The following CUBN variants were observed in gnomAD, a reference collection of about 807,000 sequenced individuals.
CUBN encodes the protein cubilin.
CUBN carries 282 observed loss-of-function variants against 405.3 expected under a neutral mutation model. The observed-to-expected ratio is 0.70, with a 90% CI of 0.63 to 0.77. The LOEUF (loss-of-function observed/expected upper bound fraction) is 0.77. Ranked by LOEUF, CUBN falls within the 30% of genes least tolerant of loss-of-function variation. The pLI, the probability that CUBN is intolerant of heterozygous loss-of-function variation, is 0.00. For synonymous variants in CUBN, 1,684 were observed against 1,617.0 expected, an observed-to-expected ratio of 1.04 and a Z score of -0.99; for missense variants, 4,514 against 4,475.2, an observed-to-expected ratio of 1.01 and a Z score of -0.25.
intron 31 of CUBN, among the ~76,000 whole-genome samples, chr10:16,969,146 C>T (rs959098439): frequency 1.3e-5 from 2 of 152,176 alleles, no homozygotes; most frequent in South Asian, 2.1e-4. Context: ...ATAACAATGC[C>T]AGGGAGTGAA....
Position 17,115,595 on chromosome 10 carries a change from C to T in CUBN, c.596G>A (p.Cys199Tyr). 1.2e-6 allele frequency: 2 copies of T among 1,614,222 alleles called. No individual in the cohort carries two copies. The highest frequency in any genetic ancestry group is 1.7e-6 in the Non-Finnish European group (2 of 1,180,038). Reference sequence around the variant, plus strand: ...TCCGTACGTCTCAGGTGGGCAGTGACAACTGTTGGTTACACAAGAGCACAA... The same window carrying T: ...TCCGTACGTCTCAGGTGGGCAGTGATAACTGTTGGTTACACAAGAGCACAA... ...TCVNTMGSYS[C>Y]HCPPETYGPQ... The change falls in exon 7 of 67, where the codon TGT (cysteine) becomes TAT (tyrosine). Residue 199 changes from cysteine (C) to tyrosine (Y), a missense_variant and splice_region_variant. Cys to Tyr is a radical substitution (Grantham distance 194). Coordinates refer to ENST00000377833, the MANE Select transcript of CUBN (RefSeq NM_001081.4).
Position 16,915,410 on chromosome 10 carries a change from G to C in CUBN, c.7211-238C>G, listed in dbSNP as rs563783304. Among the ~76,000 whole-genome samples the C allele has an allele frequency of 2.6e-5, 4 of 152,178 alleles. No homozygotes were observed. In the South Asian group the frequency reaches 8.3e-4, roughly 31 times the overall value. ...AAGGATATCTCAGCACAATGAGGAA[G>C]GCTTGCTCATTTGGTTGAAAAAATG... On this transcript the variant is annotated intron_variant, in intron 46 of 66. Transcript: ENST00000377833.
chr10:16,949,997 G>A lies in CUBN; in HGVS notation c.5080+4C>T, dbSNP rs777680661. On this transcript the variant is annotated splice_donor_region_variant and intron_variant, in intron 34 of 66. Coordinates refer to ENST00000377833, the MANE Select transcript of CUBN (RefSeq NM_001081.4). ...CAGATGTAGATGAGTGAACGCTGAGGTACCTCGGAGGGGCGCGTCTTCGTG... is the reference window on the plus strand; with the variant it reads ...CAGATGTAGATGAGTGAACGCTGAGATACCTCGGAGGGGCGCGTCTTCGTG... 1 of 1,607,176 alleles carries A rather than the reference G, an allele frequency of 6.2e-7. No individual in the cohort carries two copies. Among genetic ancestry groups the A allele is most frequent in the South Asian group, 1.1e-5 (1 of 90,826 alleles).
intron 14 of CUBN, among the ~76,000 whole-genome samples, chr10:17,088,769 T>C (rs1836184906): frequency 6.6e-6 from 1 of 152,248 alleles, no homozygotes; most frequent in Non-Finnish European, 1.5e-5. Flanking sequence ...TGGTTAAGTG[T>C]GACATAATTT....
chr10:16,861,386 C>G (rs1050955310), intron 59 of CUBN, among the ~76,000 whole-genome samples: 1 of 152,118 alleles, frequency 6.6e-6, no homozygotes, highest in African/African-American at 2.4e-5. Flanking sequence ...TGGTCTCAAA[C>G]TCCTGACCTC....
chr10:16,969,860 A>G (rs1843503085), intron 31 of CUBN, among the ~76,000 whole-genome samples: 1 of 152,168 alleles, frequency 6.6e-6, no homozygotes, highest in South Asian at 2.1e-4. Context: ...GATCATGTGA[A>G]GCCTGGTGGC....
intron 19 of CUBN, 44 bp from the exon 20 acceptor site, chr10:17,068,814 T>C (rs370179922): frequency 4.4e-5 from 62 of 1,398,160 alleles, no homozygotes; most frequent in Admixed American, 2.1e-4. Context: ...TATATCAATT[T>C]TGAAAACTGC....
At chr10:16,889,942 A>AAAAAAAAAAAAAAAAACAAAAAAAAAC (rs1554788548) in intron 55 of CUBN, among the ~76,000 whole-genome samples, 1 of 136,220 alleles carries the variant, frequency 7.3e-6, no homozygotes, top group African/African-American at 2.9e-5. Context: ...TGTCAAAAAA[A>AAAAAAAAAAAAAAAAACAAAAAAAAAC]AAAAAAAAAA....
intron 13 of CUBN, among the ~76,000 whole-genome samples, chr10:17,102,385 C>G (rs1164334758): frequency 6.6e-6 from 1 of 151,630 alleles, no homozygotes; most frequent in African/African-American, 2.4e-5. Context: ...CTCCTGAGCT[C>G]AAGTGATTCT....
Position 17,071,479 on chromosome 10 carries a change from A to C in CUBN, c.2572T>G (p.Phe858Val). The C allele has an allele frequency of 6.2e-7, 1 of 1,614,024 alleles. No individual in the cohort carries two copies. The highest frequency in any genetic ancestry group is 8.5e-7 in the Non-Finnish European group (1 of 1,179,934). Residue 858 changes from phenylalanine to valine, a missense_variant, in exon 19 of 67, where the codon TTC becomes GTC. Transcript: ENST00000377833. Reference sequence around the variant, plus strand: ...GAACTTCCAATTTCAAAGACAGTGAAGTTGAGGAGAATGACTTGGCTTTGG... The same window carrying C: ...GAACTTCCAATTTCAAAGACAGTGACGTTGAGGAGAATGACTTGGCTTTGG... ...QPQSQVILLN[F>V]TVFEIGSSAH... is the part of the protein sequence containing the mutation.
At chr10:16,898,422 C>A (rs988305264) in intron 54 of CUBN, among the ~76,000 whole-genome samples, 2 of 152,012 alleles carry the variant, frequency 1.3e-5, no homozygotes, top group Non-Finnish European at 2.9e-5. Context: ...GTTATTTCCA[C>A]TGGAAAGGCA....
chr10:16,948,510 C>T lies in CUBN; in HGVS notation c.5177G>A (p.Gly1726Asp). The change falls in exon 35 of 67, where the codon GGT becomes GAT. Residue 1726 changes from glycine to aspartate, a missense_variant. Gly to Asp is a moderately conservative substitution (Grantham distance 94). This residue lies in a region of CUBN where 1,613 missense variants were observed against 1,542.8 expected (regional missense o/e 1.05). Coordinates refer to ENST00000377833, the MANE Select transcript of CUBN (RefSeq NM_001081.4). ...TGATGCGGTGACCGTGGTGTGGAAA[C>T]CCCCAGCACTGATGCTAGAATCAGA... ...FVSDSSISAG[G>D]FHTTVTASVS... 1 of 1,613,974 alleles carries T rather than the reference C, an allele frequency of 6.2e-7. No homozygotes were observed. Among genetic ancestry groups the T allele is most frequent in the South Asian group, 1.1e-5 (1 of 91,076 alleles).
chr10:16,883,804 A>T (rs1840730642), intron 56 of CUBN, among the ~76,000 whole-genome samples: 1 of 152,166 alleles, frequency 6.6e-6, no homozygotes, highest in Non-Finnish European at 1.5e-5. Flanking sequence ...TTTCCACCTC[A>T]CGAGCTAAGC....
At chr10:17,076,584 C>G (rs1424523887) in intron 17 of CUBN, among the ~76,000 whole-genome samples, 1 of 151,748 alleles carries the variant, frequency 6.6e-6, no homozygotes, top group Non-Finnish European at 1.5e-5. Context: ...AAAGGATTGA[C>G]TATCTATGCT....
At chr10:17,109,529 G>T in intron 10 of CUBN, 111 bp downstream of exon 10, 1 of 868,548 alleles carries the variant, frequency 1.2e-6, no homozygotes, top group Non-Finnish European at 1.9e-6. Context: ...TTTTAGGTTT[G>T]AAGGTCAAAA....
chr10:16,859,446 TAAC>T, intron 59 of CUBN, among the ~76,000 whole-genome samples: 1 of 152,022 alleles, frequency 6.6e-6, no homozygotes, highest in Non-Finnish European at 1.5e-5. Context: ...TAAAATTAAA[TAAC>T]AACAACAGCA....
At chr10:17,005,289 G>C (rs774216012) in intron 28 of CUBN, among the ~76,000 whole-genome samples, 1 of 151,912 alleles carries the variant, frequency 6.6e-6, no homozygotes, top group Non-Finnish European at 1.5e-5. Flanking sequence ...GAGATTGTTC[G>C]GACATTTTTT....
chr10:16,961,154 C>G (rs1327582540), intron 31 of CUBN, among the ~76,000 whole-genome samples: 1 of 150,974 alleles, frequency 6.6e-6, no homozygotes, highest in East Asian at 1.9e-4. Context: ...TCACTGCAGC[C>G]TTGACCTCCT....
intron 23 of CUBN, among the ~76,000 whole-genome samples, chr10:17,046,852 GAGAGATAGTAACATATAAGCTA>G (rs1349296188): frequency 6.6e-6 from 1 of 152,112 alleles, no homozygotes; most frequent in Admixed American, 6.5e-5. Flanking sequence ...TAGTGGCATG[GAGAGATAGTAACATATAAGCTA>G]ACTTACTTTT....
Sources: gnomAD v4.1 joint callset for allele counts (sites outside exome capture counted in the v4.1 genomes callset) on GRCh38, gnomAD v4.1.1 for gene constraint, gnomAD v4.1.1 regional missense constraint, MANE v1.5 for transcripts, NCBI Gene and HGNC (gene_info 2026-07-23, HGNC 2026-07-21) for gene names.